Variants in PKNOX2 observed in about 807,000 individuals in gnomAD.
PKNOX2 encodes the protein homeobox protein PKNOX2.
PKNOX2 carries 14 observed loss-of-function variants against 53.1 expected under a neutral mutation model. The observed-to-expected ratio is 0.26, with a 90% CI of 0.17 to 0.41. The LOEUF is 0.41. Among genes scored for constraint, PKNOX2 ranks in the 10% least tolerant of loss-of-function variants. The pLI is 1.00. For synonymous variants in PKNOX2, 257 were observed against 242.8 expected, an observed-to-expected ratio of 1.06 and a Z score of -0.54; for missense variants, 496 against 602.8, an observed-to-expected ratio of 0.82 and a Z score of 1.85.
chr11:125,270,631 A>T (rs1435965496), intron 2 of PKNOX2, among the ~76,000 whole-genome samples: 2 of 152,180 alleles, frequency 1.3e-5, no homozygotes, highest in Non-Finnish European at 2.9e-5. Context: ...CTCGAAAAAA[A>T]ATTGATTTTG....
chr11:125,171,088 T>C (rs1167160490), intron 1 of PKNOX2, among the ~76,000 whole-genome samples: 1 of 152,200 alleles, frequency 6.6e-6, no homozygotes, highest in Non-Finnish European at 1.5e-5. Flanking sequence ...ACGTAGTCTT[T>C]TGTGTTCAAT....
rs1954814111 is a variant in PKNOX2 at position 125,165,687 on chromosome 11, C to CGTG, written c.-201+912_-201+913insTGG. 6.6e-6 allele frequency among the ~76,000 whole-genome samples: 1 copy of CGTG among 152,162 alleles called. No individual in the cohort carries two copies. The highest frequency in any genetic ancestry group is 2.4e-5 in the African/African-American group (1 of 41,448). On this transcript the variant is annotated intron_variant, in intron 1 of 12. Transcript: ENST00000298282. The surrounding 1 kb of genome is among the most constrained non-coding windows in gnomAD (Gnocchi z 4.5). ...GAGGAGCGAGAATGTGTAGGGTCAC[C>CGTG]GGCTTTCCATGATTGCTGGGGATCT... is the stretch of plus-strand genomic sequence containing the variant.
At chr11:125,416,451 A>G (rs1299132208) in intron 10 of PKNOX2, among the ~76,000 whole-genome samples, 3 of 151,950 alleles carry the variant, frequency 2.0e-5, no homozygotes, top group South Asian at 4.1e-4. Context: ...AGCATTTGTA[A>G]GCAAATTTGG....
intron 2 of PKNOX2, among the ~76,000 whole-genome samples, chr11:125,238,767 C>T (rs1163278437): frequency 6.6e-6 from 1 of 152,188 alleles, no homozygotes. Context: ...AGGAAACTAA[C>T]ATTTAATTTG....
chr11:125,317,719 A>G (rs1949286886), intron 2 of PKNOX2, among the ~76,000 whole-genome samples: 1 of 151,664 alleles, frequency 6.6e-6, no homozygotes, highest in South Asian at 2.1e-4. Flanking sequence ...AGTGCAGGCA[A>G]AGCAGATTTA....
At chr11:125,230,677 A>G (rs1037028462) in intron 1 of PKNOX2, among the ~76,000 whole-genome samples, 1 of 152,210 alleles carries the variant, frequency 6.6e-6, no homozygotes, top group African/African-American at 2.4e-5. Flanking sequence ...AAAACTTGTC[A>G]TGGGCAGTAG....
At chr11:125,375,638 CA>C (rs1430808900) in intron 5 of PKNOX2, among the ~76,000 whole-genome samples, 2 of 152,152 alleles carry the variant, frequency 1.3e-5, no homozygotes, top group African/African-American at 4.8e-5. Flanking sequence ...GAGCACTTTA[CA>C]AAGTGCCACT....
At chr11:125,420,095 G>A (rs1181470729) in intron 10 of PKNOX2, among the ~76,000 whole-genome samples, 1 of 151,504 alleles carries the variant, frequency 6.6e-6, no homozygotes, top group Non-Finnish European at 1.5e-5. Flanking sequence ...CCTGAGGTAG[G>A]AGGATCATTT....
intron 2 of PKNOX2, among the ~76,000 whole-genome samples, chr11:125,323,721 G>A (rs911257445): frequency 6.6e-6 from 1 of 152,304 alleles, no homozygotes; most frequent in Non-Finnish European, 1.5e-5. Flanking sequence ...AGAGGCTTCC[G>A]ACTGTTTTGC....
At chr11:125,391,782 T>C (rs984597746) in intron 6 of PKNOX2, among the ~76,000 whole-genome samples, 25 of 152,194 alleles carry the variant, frequency 1.6e-4, no homozygotes, top group African/African-American at 6.0e-4. Context: ...ATCATTATTT[T>C]GAAAGAGAAG....
intron 2 of PKNOX2, among the ~76,000 whole-genome samples, chr11:125,249,569 A>C (rs2135665516): frequency 6.6e-6 from 1 of 152,334 alleles, no homozygotes; most frequent in South Asian, 2.1e-4. Context: ...TATTATGGGT[A>C]ATCTGGAGAT....
intron 10 of PKNOX2, among the ~76,000 whole-genome samples, chr11:125,426,988 C>CA (rs1956463371): frequency 6.6e-6 from 1 of 152,220 alleles, no homozygotes; most frequent in Non-Finnish European, 1.5e-5. Flanking sequence ...AGAGGAGGGC[C>CA]AGCACGTGCG....
chr11:125,431,470 G>GCCCCCCCCCCCCGCCCCCCCCCCCCCCC lies in PKNOX2; in HGVS notation c.*78_*79insCCCCCCCCCCCCGCCCCCCCCCCCCCCC. ...AGGCCTTCAGGGTGGGGGGGAAGGG[G>GCCCCCCCCCCCCGCCCCCCCCCCCCCCC]ACATGGGCAGGAAGCACCGAGGGAG... On this transcript the variant is annotated 3_prime_UTR_variant, in exon 13 of 13. Transcript: ENST00000298282. 3.5e-6 allele frequency: 1 copy of GCCCCCCCCCCCCGCCCCCCCCCCCCCCC among 282,772 alleles called. No individual in the cohort carries two copies. The highest frequency in any genetic ancestry group is 8.9e-5 in the East Asian group (1 of 11,200). The allele number at this position is 282,772 out of a possible 1,614,324, so 17.5% of individuals were successfully genotyped here. A position where few individuals can be genotyped will look rare whatever the true frequency, so the allele number is the denominator to read the frequency against.
At chr11:125,235,299 T>A (rs1380912785) in intron 2 of PKNOX2, among the ~76,000 whole-genome samples, 184 bp downstream of exon 2, 1 of 152,370 alleles carries the variant, frequency 6.6e-6, no homozygotes, top group East Asian at 1.9e-4. Flanking sequence ...AAAGAGGCCC[T>A]GTAATATGAC....
rs1377632400 is a variant in PKNOX2, at chr11:125,166,051, T to A, written c.-201+1275T>A. 1.3e-5 allele frequency among the ~76,000 whole-genome samples: 2 copies of A among 152,030 alleles called. No individual in the cohort carries two copies. Among genetic ancestry groups the A allele is most frequent in the Admixed American group, 6.5e-5 (1 of 15,268 alleles). Reference sequence around the variant, plus strand: ...CTTGTGGATCGGCCTGAATTAGGGCTGGGTTTTAGGACCAGTCTAGAGTTC... The same window carrying A: ...CTTGTGGATCGGCCTGAATTAGGGCAGGGTTTTAGGACCAGTCTAGAGTTC... On this transcript the variant is annotated intron_variant, in intron 1 of 12. Coordinates refer to ENST00000298282, the MANE Select transcript of PKNOX2 (RefSeq NM_001382323.2). This position sits in a 1 kb window ranked among gnomAD's most constrained non-coding sequence, Gnocchi z 4.0.
At chr11:125,210,302 G>C (rs1939672682) in intron 1 of PKNOX2, among the ~76,000 whole-genome samples, 1 of 152,098 alleles carries the variant, frequency 6.6e-6, no homozygotes, top group African/African-American at 2.4e-5. Context: ...TCACTGACTG[G>C]AATTCCAGGA....
intron 1 of PKNOX2, among the ~76,000 whole-genome samples, chr11:125,194,236 G>A (rs137926534): frequency 2.6e-5 from 4 of 152,196 alleles, no homozygotes; most frequent in African/African-American, 7.2e-5. Context: ...CTGGGCTGGA[G>A]AGAGCAGTCA....
intron 2 of PKNOX2, among the ~76,000 whole-genome samples, chr11:125,328,696 C>T (rs1949980343): frequency 6.6e-6 from 1 of 152,206 alleles, no homozygotes; most frequent in Non-Finnish European, 1.5e-5. Flanking sequence ...GCACTTACTA[C>T]TGCAGGCACT....
chr11:125,215,236 C>A (rs967733959), intron 1 of PKNOX2, among the ~76,000 whole-genome samples: 7 of 151,962 alleles, frequency 4.6e-5, no homozygotes, highest in Non-Finnish European at 1.0e-4. Context: ...GTGCAGTAAT[C>A]ATTGGTTTTC....
Sources: allele counts gnomAD v4.1 joint callset (sites outside exome capture counted in the v4.1 genomes callset), GRCh38; gene constraint gnomAD v4.1.1; non-coding constraint Gnocchi (gnomAD v3.1); transcripts MANE v1.5; gene names NCBI Gene and HGNC (gene_info 2026-07-23, HGNC 2026-07-21).